Variants in CACNA1C observed in about 807,000 individuals in gnomAD.
CACNA1C encodes the protein voltage-dependent L-type calcium channel subunit alpha-1C.
CACNA1C carries 30 observed loss-of-function variants against 229.0 expected under a neutral mutation model. That is an observed-to-expected ratio of 0.13 (90% CI 0.10 to 0.18). The LOEUF (loss-of-function observed/expected upper bound fraction) is 0.18. Among genes scored for constraint, CACNA1C ranks in the 10% least tolerant of loss-of-function variants. The probability of loss-of-function intolerance (pLI) is 1.00; values close to 1 mark genes in which losing one functional copy is unlikely to be tolerated. For missense variants in CACNA1C, 1,658 were observed against 2,845.0 expected (o/e 0.58, Z 9.49); for synonymous variants, 1,114 against 1,132.5 (o/e 0.98, Z 0.33).
Position 2,275,766 on chromosome 12 carries a change from C to T in CACNA1C, c.477+155336C>T. Among the ~76,000 whole-genome samples, 1 of 150,750 alleles carries T rather than the reference C, an allele frequency of 6.6e-6. No individual in the cohort carries two copies. The highest frequency in any genetic ancestry group is 1.9e-4 in the East Asian group (1 of 5,198). The stretch of plus-strand genomic sequence containing the variant: ...AGCATAGGTGGGAGAAGACAGCCAG[C>T]ACTGTAGAGTGGGGAGGGCTCAGTG... On this transcript the variant is annotated intron_variant, in intron 3 of 46. Coordinates refer to ENST00000399655, the MANE Select transcript of CACNA1C (RefSeq NM_000719.7). This position sits in a 1 kb window ranked among gnomAD's most constrained non-coding sequence, Gnocchi z 4.1.
Position 2,354,725 on chromosome 12 carries a change from A to G in CACNA1C, c.478-94251A>G, listed in dbSNP as rs756861014. Among the ~76,000 whole-genome samples the G allele has an allele frequency of 2.6e-5, 4 of 152,170 alleles. No homozygotes were observed. The highest frequency in any genetic ancestry group is 5.9e-5 in the Non-Finnish European group (4 of 68,042). On this transcript the variant is annotated intron_variant, in intron 3 of 46. Transcript: ENST00000399655. This position sits in a 1 kb window ranked among gnomAD's most constrained non-coding sequence, Gnocchi z 4.6. Reference sequence around the variant, plus strand: ...TCTGAGCATGGCAAGAGAATCCTGCATGTCACTTGGGCCTGACACCTGCTT... The same window carrying G: ...TCTGAGCATGGCAAGAGAATCCTGCGTGTCACTTGGGCCTGACACCTGCTT...
At chr12:2,126,955 G>A (rs968728732) in intron 3 of CACNA1C, among the ~76,000 whole-genome samples, 6 of 152,322 alleles carry the variant, frequency 3.9e-5, no homozygotes, top group African/African-American at 1.4e-4. Flanking sequence ...TCAGAAGGGT[G>A]GGAAAGAAGA....
chr12:2,414,391 C>G lies in CACNA1C; in HGVS notation c.478-34585C>G, dbSNP rs115635794. On this transcript the variant is annotated intron_variant, in intron 3 of 46. Transcript: ENST00000399655. Reference sequence around the variant, plus strand: ...TTACTGAGATCATCAAAGGTGAAGTCGTACATAAGCCATGAGGCAGACACC... The same window carrying G: ...TTACTGAGATCATCAAAGGTGAAGTGGTACATAAGCCATGAGGCAGACACC... Among the ~76,000 whole-genome samples, 1,223 of 152,240 alleles carry G rather than the reference C, an allele frequency of 8.0e-3. 26 individuals carry two copies. Among genetic ancestry groups the G allele is most frequent in the African/African-American group, 0.028 (1,155 of 41,548 alleles).
chr12:2,217,619 T>C (rs2060311055), intron 3 of CACNA1C: 1 of 152,236 alleles, frequency 6.6e-6, no homozygotes, highest in Non-Finnish European at 1.5e-5. Context: ...TATGATGGCT[T>C]GCAGTCTGGG....
intron 3 of CACNA1C, among the ~76,000 whole-genome samples, chr12:2,386,986 G>C (rs150541362): frequency 1.1e-3 from 170 of 152,360 alleles, no homozygotes; most frequent in African/African-American, 4.0e-3. Context: ...GCTAGACGTG[G>C]TGTGAAGATG....
At chr12:2,640,976 T>C (rs1280123208) in intron 30 of CACNA1C, among the ~76,000 whole-genome samples, 1 of 152,202 alleles carries the variant, frequency 6.6e-6, no homozygotes, top group African/African-American at 2.4e-5. Flanking sequence ...CGTTGGACAG[T>C]GGGCCTGGCT....
At chr12:2,645,501 C>T in intron 30 of CACNA1C, among the ~76,000 whole-genome samples, 1 of 152,176 alleles carries the variant, frequency 6.6e-6, no homozygotes, top group Admixed American at 6.5e-5. Context: ...AGTGCTGATC[C>T]TGGGATACCA....
chr12:2,120,311 A>T lies in CACNA1C; in HGVS notation c.372-14A>T. The T allele has an allele frequency of 1.4e-5, 17 of 1,225,592 alleles. No homozygotes were observed. The highest frequency in any genetic ancestry group is 1.7e-5 in the Non-Finnish European group (14 of 825,276). 75.9% of individuals were successfully genotyped at this position (1,225,592 alleles called of 1,614,324 possible). A position where few individuals can be genotyped will look rare whatever the true frequency, so the allele number is the denominator to read the frequency against. On this transcript the variant is annotated splice_polypyrimidine_tract_variant and intron_variant, in intron 2 of 46. Transcript: ENST00000399655. Reference sequence around the variant, plus strand: ...ACTTTCTGTGGCATTAACTTCCTTGACTCCCTTTCTCAGACCATTTGAAAT... The same window carrying T: ...ACTTTCTGTGGCATTAACTTCCTTGTCTCCCTTTCTCAGACCATTTGAAAT...
At position 2,129,851 on chromosome 12, in the gene CACNA1C, C is replaced by G. The variant is rs186184467; in HGVS notation, c.477+9421C>G. Among the ~76,000 whole-genome samples the G allele has an allele frequency of 1.1e-3, 173 of 152,250 alleles. 1 individual carries two copies. The highest frequency in any genetic ancestry group is 3.3e-3 in the African/African-American group (138 of 41,538). ...CACCAGCCTGATTAATTTGCTCCCC[C>G]CTCTCTCCTGCAGGCTTGGGAACCA... On this transcript the variant is annotated intron_variant, in intron 3 of 46. Transcript: ENST00000399655.
chr12:2,547,560 T>C, intron 9 of CACNA1C: 1 of 777,976 alleles, frequency 1.3e-6, no homozygotes, highest in Non-Finnish European at 2.4e-6. Flanking sequence ...TGTAAATGCG[T>C]GTGGGTGCAT....
chr12:2,607,250 G>A, intron 26 of CACNA1C, 120 bp downstream of exon 26: 2 of 998,112 alleles, frequency 2.0e-6, no homozygotes, highest in African/African-American at 1.6e-5. Flanking sequence ...ATTTACCTGG[G>A]TCCTCCCCAG....
intron 1 of CACNA1C, among the ~76,000 whole-genome samples, chr12:2,058,856 TG>T (rs2056328124): frequency 6.6e-6 from 1 of 152,202 alleles, no homozygotes; most frequent in Non-Finnish European, 1.5e-5. Context: ...AACTGAAACC[TG>T]GGCACTCCAG....
rs1188766718 is a variant in CACNA1C, at chr12:2,034,220, T to C, written c.139+63019T>C. Reference sequence around the variant, plus strand: ...GTTCAGTGACTCGCCCAAACTCACATGCTTAGTGTGGGAAAGTTAAGATTT... The same window carrying C: ...GTTCAGTGACTCGCCCAAACTCACACGCTTAGTGTGGGAAAGTTAAGATTT... On this transcript the variant is annotated intron_variant, in intron 1 of 46. Coordinates refer to the CACNA1C transcript ENST00000682462. The surrounding 1 kb of genome is among the most constrained non-coding windows in gnomAD (Gnocchi z 4.1). 6.6e-6 allele frequency among the ~76,000 whole-genome samples: 1 copy of C among 152,216 alleles called. No homozygotes were observed. The highest frequency in any genetic ancestry group is 1.9e-4 in the East Asian group (1 of 5,194).
intron 3 of CACNA1C, among the ~76,000 whole-genome samples, chr12:2,250,597 A>G (rs930261812): frequency 1.3e-5 from 2 of 152,138 alleles, no homozygotes; most frequent in African/African-American, 4.8e-5. Flanking sequence ...CTCCAAGGCC[A>G]TGCGTTAAAT....
chr12:2,191,373 A>G (rs2097205638), intron 3 of CACNA1C, among the ~76,000 whole-genome samples: 1 of 152,130 alleles, frequency 6.6e-6, no homozygotes, highest in South Asian at 2.1e-4. Flanking sequence ...GGCCTTCTCC[A>G]GCGTACCGGC....
intron 31 of CACNA1C, among the ~76,000 whole-genome samples, chr12:2,650,080 T>C (rs2094788810): frequency 6.6e-6 from 1 of 152,164 alleles, no homozygotes; most frequent in African/African-American, 2.4e-5. Context: ...GTCTGTCCCC[T>C]GCCTTGAGGG....
chr12:2,353,163 G>A (rs760610996), intron 3 of CACNA1C, among the ~76,000 whole-genome samples: 2 of 152,218 alleles, frequency 1.3e-5, no homozygotes, highest in Non-Finnish European at 2.9e-5. Flanking sequence ...CTCTGGTTGG[G>A]ATGCTGGGGG....
At chr12:2,288,185 T>G (rs1348870227) in intron 3 of CACNA1C, 3 of 152,442 alleles carry the variant, frequency 2.0e-5, no homozygotes, top group Non-Finnish European at 4.4e-5. Flanking sequence ...CAGCCCCTCC[T>G]CCTTGAGCAT....
At chr12:2,497,999 ACAC>A (rs1374311430) in intron 7 of CACNA1C, among the ~76,000 whole-genome samples, 1 of 151,674 alleles carries the variant, frequency 6.6e-6, no homozygotes, top group Non-Finnish European at 1.5e-5. Flanking sequence ...ACACACACAC[ACAC>A]AACAGCTATT....
Sources: allele counts gnomAD v4.1 joint callset (sites outside exome capture counted in the v4.1 genomes callset), GRCh38; gene constraint gnomAD v4.1.1; non-coding constraint Gnocchi (gnomAD v3.1); transcripts MANE v1.5; gene names NCBI Gene and HGNC (gene_info 2026-07-23, HGNC 2026-07-21).